ITGA11: variants seen among roughly 807,000 people sequenced by gnomAD.
ITGA11 encodes integrin subunit alpha 11, also known as integrin alpha-11.
ITGA11 carries 97 observed loss-of-function variants against 141.9 expected under a neutral mutation model. The observed-to-expected ratio is 0.68, with a 90% confidence interval of 0.58 to 0.81. The LOEUF is 0.81. Among genes scored for constraint, ITGA11 ranks in the 30% least tolerant of loss-of-function variants. The pLI is 0.00. For missense variants in ITGA11, 1,387 were observed against 1,559.2 expected (o/e 0.89, Z 1.86); for synonymous variants, 658 against 624.6 (o/e 1.05, Z -0.80).
rs747067010 is a variant in ITGA11 at position 68,351,255 on chromosome 15, T to TA, written c.894+2dup. On this transcript the variant is annotated splice_region_variant and intron_variant, in intron 8 of 29. Coordinates refer to ENST00000315757, the MANE Select transcript of ITGA11 (RefSeq NM_001004439.2). ...AGCAGCCCTTGGGCGGGCCAGGACT[T>TA]ACGGCCACCGCATATCTTGTTACGT... 7 of 1,613,860 alleles carry TA rather than the reference T, an allele frequency of 4.3e-6. No homozygotes were observed. Among genetic ancestry groups the TA allele is most frequent in the Non-Finnish European group, 5.9e-6 (7 of 1,179,834 alleles).
intron 2 of ITGA11, among the ~76,000 whole-genome samples, chr15:68,379,169 C>T (rs1895800037): frequency 6.6e-6 from 1 of 152,210 alleles, no homozygotes; most frequent in Non-Finnish European, 1.5e-5. Context: ...CTCAACATTG[C>T]CTGCACTCTC....
intron 23 of ITGA11, among the ~76,000 whole-genome samples, chr15:68,313,191 A>C (rs1365672945): frequency 2.0e-5 from 3 of 152,018 alleles, no homozygotes; most frequent in Admixed American, 2.0e-4. Flanking sequence ...TCCACCCTCT[A>C]GGGATGGCTG....
chr15:68,330,683 A>G (rs1332993516), intron 15 of ITGA11, among the ~76,000 whole-genome samples: 3 of 152,198 alleles, frequency 2.0e-5, no homozygotes, highest in Admixed American at 6.5e-5. Context: ...AACACGCTCA[A>G]CTTGCCCCTG....
chr15:68,368,253 A>T (rs1392573624), intron 3 of ITGA11, among the ~76,000 whole-genome samples: 2 of 152,138 alleles, frequency 1.3e-5, no homozygotes, highest in Non-Finnish European at 2.9e-5. Flanking sequence ...CGAAGGAGGG[A>T]GGCCCAGGGT....
rs1335787969 is a variant in ITGA11, at chr15:68,357,198, C to T, written c.702G>A (p.Gln234=). The change falls in exon 7 of 30, where the codon CAG becomes CAA. Residue 234 remains glutamine (Q), a synonymous_variant. Transcript: ENST00000315757. ...DVVEAASHIE[Q]RGGTETRTAF... is the part of the protein sequence containing the mutation. The stretch of plus-strand genomic sequence containing the variant: ...CCGTCCGGGTCTCTGTTCCTCCTCT[C>T]TGCTCAATGTGGCTGGCAGCTTCCA... 6.2e-7 allele frequency: 1 copy of T among 1,613,862 alleles called. No individual in the cohort carries two copies. Among genetic ancestry groups the T allele is most frequent in the Non-Finnish European group, 8.5e-7 (1 of 1,179,904 alleles).
chr15:68,380,504 C>A (rs1258999802), intron 2 of ITGA11, among the ~76,000 whole-genome samples: 2 of 152,142 alleles, frequency 1.3e-5, no homozygotes, highest in Admixed American at 6.5e-5. Flanking sequence ...GAGACTTATA[C>A]CCGATGAATT....
intron 2 of ITGA11, among the ~76,000 whole-genome samples, chr15:68,394,151 G>C (rs953873615): frequency 3.3e-5 from 5 of 152,114 alleles, no homozygotes; most frequent in African/African-American, 1.2e-4. Flanking sequence ...AACCATCCTA[G>C]CTTGAATCAG....
chr15:68,426,347 A>G (rs982940382), intron 1 of ITGA11, among the ~76,000 whole-genome samples: 2 of 152,196 alleles, frequency 1.3e-5, no homozygotes, highest in Non-Finnish European at 2.9e-5. Flanking sequence ...ACAGGAGAAG[A>G]TCGCCAAACC....
rs190654618 is a variant in ITGA11, at chr15:68,342,271, G to A, written c.1132-2627C>T. Among the ~76,000 whole-genome samples, 9 of 152,328 alleles carry A rather than the reference G, an allele frequency of 5.9e-5. No individual in the cohort carries two copies. In the East Asian group the frequency reaches 1.5e-3, roughly 26 times the overall value. On this transcript the variant is annotated intron_variant, in intron 10 of 29. Coordinates refer to ENST00000315757, the MANE Select transcript of ITGA11 (RefSeq NM_001004439.2). The stretch of plus-strand genomic sequence containing the variant: ...CTGTGTCCCCCGCTCTGCAGGCCTC[G>A]CACTGGCTTCCTGTTTTATAGCCTC...
chr15:68,404,290 C>G (rs1896586590), intron 1 of ITGA11, among the ~76,000 whole-genome samples: 2 of 152,114 alleles, frequency 1.3e-5, no homozygotes, highest in South Asian at 4.2e-4. Flanking sequence ...TGACAAAGCT[C>G]CGTCTGGCTT....
intron 10 of ITGA11, among the ~76,000 whole-genome samples, chr15:68,343,919 G>C (rs901261423): frequency 6.6e-6 from 1 of 152,192 alleles, no homozygotes; most frequent in African/African-American, 2.4e-5. Flanking sequence ...TTTCTGTGGA[G>C]GAGGGGCCCT....
intron 1 of ITGA11, among the ~76,000 whole-genome samples, chr15:68,420,366 G>A (rs1896987247): frequency 6.6e-6 from 1 of 152,168 alleles, no homozygotes; most frequent in Non-Finnish European, 1.5e-5. Flanking sequence ...ATAGCATGGG[G>A]CCAGCTGGGC....
Position 68,303,101 on chromosome 15 carries a change from C to T in ITGA11, c.3525G>A (p.Arg1175=). Residue 1175 remains arginine, a synonymous_variant, in exon 30 of 30, where the codon AGG becomes AGA. Coordinates refer to ENST00000315757, the MANE Select transcript of ITGA11 (RefSeq NM_001004439.2). The surrounding 1 kb of genome is among the most constrained non-coding windows in gnomAD (Gnocchi z 5.3). ...KLGFFRSARR[R]REPGLDPTPK... ...GGGTGGGGTCCAGACCAGGCTCCCT[C>T]CTGCGCCTGGCACTTCTAAAGAAGC... 6.4e-7 allele frequency: 1 copy of T among 1,551,150 alleles called. No homozygotes were observed. The highest frequency in any genetic ancestry group is 8.7e-7 in the Non-Finnish European group (1 of 1,147,094).
At chr15:68,341,287 C>G (rs117291806) in intron 10 of ITGA11, among the ~76,000 whole-genome samples, 49 of 152,324 alleles carry the variant, frequency 3.2e-4, no homozygotes, top group Admixed American at 1.4e-3. Flanking sequence ...ACGACAGGAG[C>G]CAGGAACTCA....
Position 68,307,352 on chromosome 15 carries a change from C to T in ITGA11, c.3377G>A (p.Arg1126His), listed in dbSNP as rs761739603. 7.3e-5 allele frequency: 113 copies of T among 1,554,028 alleles called. No individual in the cohort carries two copies. The highest frequency in any genetic ancestry group is 8.7e-5 in the Non-Finnish European group (100 of 1,147,906). The change falls in exon 28 of 30, where the codon CGC becomes CAC. Residue 1126 changes from arginine (R) to histidine (H), a missense_variant. Coordinates refer to ENST00000315757, the MANE Select transcript of ITGA11 (RefSeq NM_001004439.2). The surrounding 1 kb of genome is among the most constrained non-coding windows in gnomAD (Gnocchi z 6.1). ...GCAGGGCTCCCAGGGGCTCACCTGG[C>T]GGCTGGGATCCTCCTCACGGAAGAT... ...PFIFREEDPS[R>H]QIVFEISKQE...
At chr15:68,317,898 CTG>C (rs1265559275) in intron 20 of ITGA11, among the ~76,000 whole-genome samples, 4 of 152,064 alleles carry the variant, frequency 2.6e-5, no homozygotes, top group East Asian at 1.9e-4. Context: ...TGTGGAGACT[CTG>C]TGTGTGTCTG....
intron 4 of ITGA11, among the ~76,000 whole-genome samples, chr15:68,362,962 G>A (rs1049511503): frequency 1.9e-5 from 2 of 105,966 alleles, no homozygotes; most frequent in Non-Finnish European, 4.1e-5. Flanking sequence ...AATGGATGAT[G>A]GATGAATAAG....
intron 7 of ITGA11, among the ~76,000 whole-genome samples, chr15:68,355,652 G>A (rs1202345511): frequency 6.6e-6 from 1 of 151,924 alleles, no homozygotes; most frequent in South Asian, 2.1e-4. Context: ...TCATGCTTCT[G>A]CCCAGGCTGG....
Position 68,335,145 on chromosome 15 carries a change from TAGG to T in ITGA11, c.1425+549_1425+551del, listed in dbSNP as rs1894305885. On this transcript the variant is annotated intron_variant, in intron 12 of 29. Coordinates refer to ENST00000315757, the MANE Select transcript of ITGA11 (RefSeq NM_001004439.2). This position sits in a 1 kb window ranked among gnomAD's most constrained non-coding sequence, Gnocchi z 4.9. ...TAGAGAGGGCACAGATGCTGCTGGT[TAGG>T]AGGAGCCCAGGCCTGATTTTGGGGT... Among the ~76,000 whole-genome samples the T allele has an allele frequency of 6.6e-6, 1 of 151,970 alleles. No individual in the cohort carries two copies. Among genetic ancestry groups the T allele is most frequent in the Admixed American group, 6.6e-5 (1 of 15,252 alleles).
Sources: allele counts gnomAD v4.1 joint callset (sites outside exome capture counted in the v4.1 genomes callset), GRCh38; gene constraint gnomAD v4.1.1; non-coding constraint Gnocchi (gnomAD v3.1); transcripts MANE v1.5; gene names NCBI Gene and HGNC (gene_info 2026-07-23, HGNC 2026-07-21).